NDRG2: variants seen among roughly 807,000 people sequenced by gnomAD.
NDRG2 encodes the protein NDRG family member 2, also known as protein NDRG2.
NDRG2 carries 34 observed loss-of-function variants against 58.2 expected under a neutral mutation model. The ratio of observed to expected loss-of-function variants is 0.58; its 90% confidence interval spans 0.44 to 0.78. The LOEUF (loss-of-function observed/expected upper bound fraction) is 0.78, where lower values mean the gene tolerates loss of function less well. Among genes scored for constraint, NDRG2 ranks in the 30% least tolerant of loss-of-function variants. The probability of loss-of-function intolerance (pLI) is 0.00; values close to 1 mark genes in which losing one functional copy is unlikely to be tolerated. For synonymous variants in NDRG2, 187 were observed against 175.9 expected (o/e 1.06, Z -0.50); for missense variants, 434 against 471.2 (o/e 0.92, Z 0.73).
At chr14:21,021,613 C>T in intron 6 of NDRG2, 1 of 601,530 alleles carries the variant, frequency 1.7e-6, no homozygotes, top group East Asian at 2.9e-5. Flanking sequence ...TTCCCTCCAC[C>T]CATTAGGGCT....
At chr14:21,042,526 G>T (rs987260989) in intron 1 of NDRG2, 10 of 178,090 alleles carry the variant, frequency 5.6e-5, no homozygotes, top group Admixed American at 1.6e-4. Flanking sequence ...TCAGGTGAGC[G>T]ATAAAATGGA....
At chr14:21,023,071 A>T in intron 2 of NDRG2, 166 bp from the exon 3 acceptor site, 1 of 964,710 alleles carries the variant, frequency 1.0e-6, no homozygotes, top group Middle Eastern at 2.1e-4. Flanking sequence ...TAGTGTAGTG[A>T]CGAGACAAGG....
intron 1 of NDRG2, among the ~76,000 whole-genome samples, chr14:21,061,366 G>T (rs573825770): frequency 1.3e-5 from 2 of 152,286 alleles, no homozygotes; most frequent in South Asian, 2.1e-4. Flanking sequence ...CCAAACAAGT[G>T]GGGGTAGCAA....
At chr14:21,053,788 A>G (rs118056588) in intron 1 of NDRG2, among the ~76,000 whole-genome samples, 6,547 of 152,198 alleles carry the variant, frequency 0.043, 196 homozygotes, top group South Asian at 0.13. Context: ...TGGGTGACAG[A>G]GCAAGACCCT....
chr14:21,030,390 A>G (rs918906033), upstream of NDRG2: 166 of 603,162 alleles, frequency 2.8e-4, 2 homozygotes, highest in Admixed American at 5.9e-4. Context: ...TGGGAGACTC[A>G]TGCTGTAGTT....
chr14:21,068,040 C>T (rs1348750847), intron 1 of NDRG2, among the ~76,000 whole-genome samples: 1 of 32,464 alleles, frequency 3.1e-5, no homozygotes, highest in African/African-American at 6.6e-5. Context: ...CGCTCTGTCG[C>T]CCAGGCTGGA....
Position 21,031,945 on chromosome 14 carries a change from C to T in NDRG2, c.25-8624G>A, listed in dbSNP as rs139422155. 13 of 1,613,948 alleles carry T rather than the reference C, an allele frequency of 8.1e-6. No homozygotes were observed. The African/African-American group carries it at 1.1e-4, about 13-fold the overall frequency. On this transcript the variant is annotated intron_variant, in intron 1 of 14. Transcript: ENST00000403829. ...GTTTGACAGACACCAGCAAGTACAC[C>T]GGCACCCACAAGGAGCGCTTTGATG... is the stretch of plus-strand genomic sequence containing the variant.
rs1195512148 is a variant in NDRG2 at position 21,022,849 on chromosome 14, C to T, written c.117+15G>A. The T allele has an allele frequency of 1.2e-6, 2 of 1,612,816 alleles. No individual in the cohort carries two copies. The highest frequency in any genetic ancestry group is 1.7e-6 in the Non-Finnish European group (2 of 1,179,386). The stretch of plus-strand genomic sequence containing the variant: ...AGCCCCTCCTCCCACCTTGGGACTG[C>T]CCCCACACTGTTACCTGTCCCTGGT... On this transcript the variant is annotated intron_variant, in intron 3 of 15. Coordinates refer to ENST00000556147, the MANE Select transcript of NDRG2 (RefSeq NM_001320329.2).
intron 1 of NDRG2, among the ~76,000 whole-genome samples, chr14:21,036,468 A>G (rs1212619088): frequency 6.6e-6 from 1 of 152,160 alleles, no homozygotes; most frequent in East Asian, 1.9e-4. Flanking sequence ...ATGTTTTAAG[A>G]AAGTTTACGA....
chr14:21,022,289 TCTC>T (rs1232873499), intron 4 of NDRG2, 100 bp downstream of exon 4: 7 of 1,588,270 alleles, frequency 4.4e-6, no homozygotes, highest in East Asian at 2.2e-5. Context: ...GGAGAGAACT[TCTC>T]CTTCCCACAC....
At chr14:21,050,905 T>A (rs1420384848) in intron 1 of NDRG2, among the ~76,000 whole-genome samples, 1 of 152,204 alleles carries the variant, frequency 6.6e-6, no homozygotes, top group Non-Finnish European at 1.5e-5. Context: ...ATAGGGGAGC[T>A]CTGTGTATGC....
At chr14:21,057,795 A>G in intron 1 of NDRG2, 1 of 1,025,314 alleles carries the variant, frequency 9.8e-7, no homozygotes. Context: ...TAACTGGCTT[A>G]GGGTATGAAA....
intron 1 of NDRG2, among the ~76,000 whole-genome samples, chr14:21,051,902 T>C (rs1885485651): frequency 6.6e-6 from 1 of 152,210 alleles, no homozygotes; most frequent in Non-Finnish European, 1.5e-5. Context: ...CAAACTTCTC[T>C]GGCACCCTCG....
chr14:21,035,184 C>T (rs1338638862), intron 1 of NDRG2, among the ~76,000 whole-genome samples: 2 of 152,250 alleles, frequency 1.3e-5, no homozygotes, highest in East Asian at 3.8e-4. Context: ...CGGTCCCTAT[C>T]AGCCTTACTC....
intron 1 of NDRG2, among the ~76,000 whole-genome samples, chr14:21,065,960 G>A (rs1886241020): frequency 6.6e-6 from 1 of 152,188 alleles, no homozygotes; most frequent in East Asian, 1.9e-4. Context: ...TTAGCTGGGT[G>A]TGGTGGTGCA....
At chr14:21,055,087 GAT>G (rs761637616) in intron 1 of NDRG2, among the ~76,000 whole-genome samples, 1 of 152,136 alleles carries the variant, frequency 6.6e-6, no homozygotes, top group African/African-American at 2.4e-5. Flanking sequence ...GAATATGTAA[GAT>G]ATATATTCCT....
intron 1 of NDRG2, among the ~76,000 whole-genome samples, chr14:21,062,247 T>G (rs1885999700): frequency 6.6e-6 from 1 of 152,256 alleles, no homozygotes; most frequent in Admixed American, 6.5e-5. Context: ...CTATGATATT[T>G]TCATCTGTAC....
intron 8 of NDRG2, chr14:21,020,284 A>T (rs1438676699): frequency 9.2e-6 from 5 of 543,926 alleles, no homozygotes; most frequent in Non-Finnish European, 1.6e-5. Flanking sequence ...ACAGAGTGAG[A>T]CACCATCTCA....
chr14:21,029,877 A>G (rs1314127858), upstream of NDRG2, among the ~76,000 whole-genome samples: 1 of 152,180 alleles, frequency 6.6e-6, no homozygotes, highest in African/African-American at 2.4e-5. Flanking sequence ...AGCTCTGAGA[A>G]ATAAATGTCT....
Sources: gnomAD v4.1 joint callset for allele counts (sites outside exome capture counted in the v4.1 genomes callset) on GRCh38, gnomAD v4.1.1 for gene constraint, MANE v1.5 for transcripts, NCBI Gene and HGNC (gene_info 2026-07-23, HGNC 2026-07-21) for gene names.